The following USP40 variants were observed in gnomAD, a reference collection of about 807,000 sequenced individuals.
The protein encoded by USP40 is ubiquitin carboxyl-terminal hydrolase 40.
A neutral mutation model predicts 166.2 loss-of-function variants in USP40; 143 were observed. That is an observed-to-expected ratio of 0.86 (90% confidence interval 0.75 to 0.99). USP40 has a LOEUF of 0.99. Among genes scored for constraint, USP40 ranks in the 50% least tolerant of loss-of-function variants. The probability of loss-of-function intolerance (pLI) is 0.00; values close to 1 mark genes in which losing one functional copy is unlikely to be tolerated. For synonymous variants in USP40, 498 were observed against 524.0 expected, an observed-to-expected ratio of 0.95 and a Z score of 0.68; for missense variants, 1,444 against 1,479.7, an observed-to-expected ratio of 0.98 and a Z score of 0.40.
intron 15 of USP40, among the ~76,000 whole-genome samples, chr2:233,524,013 C>T (rs1056405666): frequency 1.3e-5 from 2 of 152,202 alleles, no homozygotes. Flanking sequence ...ATAACGGAGG[C>T]GCTCAAGAAA....
intron 9 of USP40, among the ~76,000 whole-genome samples, chr2:233,541,002 G>A (rs574765850): frequency 6.6e-6 from 1 of 152,256 alleles, no homozygotes; most frequent in East Asian, 1.9e-4. Context: ...TCCATTTGAA[G>A]AGCAATATCA....
chr2:233,488,259 A>T lies in USP40; in HGVS notation c.3177T>A (p.Leu1059=). 1 of 1,604,346 alleles carries T rather than the reference A, an allele frequency of 6.2e-7. No homozygotes were observed. Among genetic ancestry groups the T allele is most frequent in the African/African-American group, 1.3e-5 (1 of 74,974 alleles). Residue 1059 remains leucine, a synonymous_variant, in exon 28 of 32, where the codon CTT becomes CTA. Coordinates refer to ENST00000678225, the MANE Select transcript of USP40 (RefSeq NM_001365479.2). ...GRRIEICLEP[L]QKGENLGPQD... ...CTTACCCCAAGTTTTCGCCTTTCTG[A>T]AGGGGCTCTAAGCAGATCTCAATTC...
At chr2:233,540,591 G>C (rs2069311425) in intron 10 of USP40, 71 bp downstream of exon 10, 1 of 893,674 alleles carries the variant, frequency 1.1e-6, no homozygotes, top group Non-Finnish European at 1.8e-6. Context: ...TTCTGCAAAG[G>C]AATTCATGTT....
chr2:233,489,904 T>C (rs543515078), intron 26 of USP40: 29 of 160,132 alleles, frequency 1.8e-4, no homozygotes, highest in Admixed American at 5.9e-4. Flanking sequence ...GCTCTGCCGA[T>C]GAATCAGCTT....
chr2:233,550,854 T>C (rs1429254298), intron 7 of USP40, among the ~76,000 whole-genome samples: 5 of 152,216 alleles, frequency 3.3e-5, no homozygotes, highest in African/African-American at 9.6e-5. Flanking sequence ...CTTGACTTTC[T>C]AGATGCATAA....
intron 21 of USP40, among the ~76,000 whole-genome samples, chr2:233,503,496 T>A (rs2066217477): frequency 6.6e-6 from 1 of 152,014 alleles, no homozygotes; most frequent in African/African-American, 2.4e-5. Context: ...TCTCAAAAGT[T>A]AAAGACAAAA....
chr2:233,553,458 GCA>G (rs1211251355), intron 6 of USP40, among the ~76,000 whole-genome samples: 3 of 152,184 alleles, frequency 2.0e-5, no homozygotes, highest in African/African-American at 7.2e-5. Context: ...GGACAGTAAA[GCA>G]CAGAGACAGA....
At chr2:233,553,679 T>C (rs1449519599) in intron 6 of USP40, among the ~76,000 whole-genome samples, 1 of 152,216 alleles carries the variant, frequency 6.6e-6, no homozygotes, top group Non-Finnish European at 1.5e-5. Flanking sequence ...ATCTCTTCTT[T>C]CCTGGAATGG....
At chr2:233,514,651 T>C (rs571361231) in intron 18 of USP40, among the ~76,000 whole-genome samples, 1 of 152,288 alleles carries the variant, frequency 6.6e-6, no homozygotes, top group East Asian at 1.9e-4. Context: ...TTCACACGTA[T>C]TGACGATGAT....
intron 22 of USP40, 106 bp from the exon 23 acceptor site, chr2:233,498,718 C>A: frequency 1.1e-6 from 1 of 895,978 alleles, no homozygotes; most frequent in Non-Finnish European, 1.7e-6. Context: ...AACTTCCTTT[C>A]CAGATAATAA....
intron 1 of USP40, 123 bp downstream of exon 1, chr2:233,566,561 A>T (rs2125423465): frequency 2.1e-6 from 1 of 484,962 alleles, no homozygotes. Context: ...ACTCCAGGAG[A>T]GCGCCGCGTC....
At chr2:233,529,573 GTAGC>G in intron 11 of USP40, 61 bp from the exon 12 acceptor site, 1 of 1,319,326 alleles carries the variant, frequency 7.6e-7, no homozygotes, top group South Asian at 1.3e-5. Context: ...GCTGGAAGAG[GTAGC>G]ATGAAGACTA....
chr2:233,546,115 A>G (rs1158638573), intron 8 of USP40: 1 of 152,232 alleles, frequency 6.6e-6, no homozygotes, highest in African/African-American at 2.4e-5. Flanking sequence ...TAGAGCTTCA[A>G]AAATGGACAG....
In USP40 at chr2:233,484,145, G is replaced by A. The variant is rs570037427; in HGVS notation, c.3504+1386C>T. Among the ~76,000 whole-genome samples, 6 of 152,308 alleles carry A rather than the reference G, an allele frequency of 3.9e-5. No homozygotes were observed. In the East Asian group the frequency reaches 1.2e-3, roughly 29 times the overall value. ...TGCACTCCAGCCTGGGCAACAGAGC[G>A]AGATACTGTCTCAACAACAACAACA... On this transcript the variant is annotated intron_variant, in intron 30 of 31. Coordinates refer to ENST00000678225, the MANE Select transcript of USP40 (RefSeq NM_001365479.2).
intron 13 of USP40, 27 bp from the exon 14 acceptor site, chr2:233,525,589 G>C (rs376644531): frequency 3.5e-5 from 55 of 1,574,064 alleles, no homozygotes; most frequent in Non-Finnish European, 4.7e-5. Flanking sequence ...AAGGAAAAGA[G>C]AATGTTGAAA....
In USP40 at chr2:233,533,487, G is replaced by A. The variant is rs2068702552; in HGVS notation, c.1463C>T (p.Pro488Leu). 1.2e-6 allele frequency: 2 copies of A among 1,612,708 alleles called. No individual in the cohort carries two copies. Among genetic ancestry groups the A allele is most frequent in the Non-Finnish European group, 1.7e-6 (2 of 1,179,066 alleles). Residue 488 changes from proline (P) to leucine (L), a missense_variant, in exon 11 of 32, where the codon CCC (proline) becomes CTC (leucine). Pro to Leu is a moderately conservative substitution (Grantham distance 98, BLOSUM62 -3). Transcript: ENST00000678225. ...CATTTTTCTTTCCATACCTTCAGGG[G>A]GTCTCTGCAACTGGGATTTCCGATA... ...LFYRKSQLQR[P>L]PEARANPRYG... is the part of the protein sequence containing the mutation.
intron 15 of USP40, 92 bp downstream of exon 15, chr2:233,524,400 G>C (rs780227744): frequency 8.1e-5 from 90 of 1,115,710 alleles, no homozygotes; most frequent in Non-Finnish European, 1.1e-4. Context: ...AAAGTGCTGG[G>C]ATTACAGGCA....
chr2:233,527,429 TCTC>T lies in USP40; in HGVS notation c.1700_1702del (p.Gly567del), dbSNP rs1559255871. 1 of 1,613,146 alleles carries T rather than the reference TCTC, an allele frequency of 6.2e-7. No individual in the cohort carries two copies. The highest frequency in any genetic ancestry group is 1.7e-5 in the Admixed American group (1 of 59,986). On this transcript the variant is annotated inframe_deletion, in exon 13 of 32. Transcript: ENST00000678225. ...TACCTGAAATATTGACTGCCGGAGATCTCCTAAAGTTTTTCTTTTATCAAAGGT... is the reference window on the plus strand; with the variant it reads ...TACCTGAAATATTGACTGCCGGAGATCTAAAGTTTTTCTTTTATCAAAGGT...
chr2:233,502,578 CAT>C (rs896137920), intron 21 of USP40, among the ~76,000 whole-genome samples: 13 of 152,232 alleles, frequency 8.5e-5, no homozygotes, highest in East Asian at 5.8e-4. Context: ...CTGACCCACA[CAT>C]GTTTGCACCC....
Sources: gnomAD v4.1 joint callset for allele counts (sites outside exome capture counted in the v4.1 genomes callset) on GRCh38, gnomAD v4.1.1 for gene constraint, MANE v1.5 for transcripts, NCBI Gene and HGNC (gene_info 2026-07-23, HGNC 2026-07-21) for gene names.